The following NBPF14 variants were observed in gnomAD, a reference collection of about 807,000 sequenced individuals.
The protein encoded by NBPF14 is NBPF member 14, also known as NBPF family member NBPF14.
NBPF14 carries 104 observed loss-of-function variants against 91.2 expected under a neutral mutation model. That is an observed-to-expected ratio of 1.14 (90% CI 0.97 to 1.34). The LOEUF (loss-of-function observed/expected upper bound fraction) is 1.34, where lower values mean the gene tolerates loss of function less well. Ranked by LOEUF, NBPF14 falls within the 40% of genes most tolerant of loss-of-function variation. The pLI is 0.00. For synonymous variants in NBPF14, 294 were observed against 303.8 expected (o/e 0.97, Z 0.34); for missense variants, 908 against 783.0 (o/e 1.16, Z -1.91).
At chr1:148,576,216 G>T (rs1659690959) in intron 16 of NBPF14, among the ~76,000 whole-genome samples, 194 bp downstream of exon 16, 1 of 118,292 alleles carries the variant, frequency 8.5e-6, no homozygotes, top group Non-Finnish European at 1.7e-5. Context: ...TCAACCTATA[G>T]TAAGTGAGTA....
rs1377891435 is a variant in NBPF14, at chr1:148,587,252, A to G, written c.1091+49T>C. The G allele has an allele frequency of 6.7e-5, 98 of 1,455,946 alleles. 13 individuals carry two copies. In the Middle Eastern group the frequency reaches 1.5e-3, roughly 22 times the overall value. The allele number at this position is 1,455,946 out of a possible 1,614,324, so 90.2% of individuals were successfully genotyped here. ...TCTCCCCACTGAGCTGCTGTACTTC[A>G]GAGATTTACACACCTGCCCCCCTGC... On this transcript the variant is annotated intron_variant, in intron 8 of 70. Coordinates refer to ENST00000619423, the Ensembl canonical transcript of NBPF14.
chr1:148,593,373 C>T (rs1177494413), intron 3 of NBPF14, among the ~76,000 whole-genome samples: 4 of 148,636 alleles, frequency 2.7e-5, no homozygotes, highest in African/African-American at 9.8e-5. Flanking sequence ...TTCACCTCAA[C>T]AATTACTTGT....
chr1:148,590,350 C>A (rs2149577996), intron 6 of NBPF14, among the ~76,000 whole-genome samples: 1 of 144,606 alleles, frequency 6.9e-6, no homozygotes, highest in Admixed American at 6.9e-5. Flanking sequence ...ACCCACTGCT[C>A]CCAGCCGAGA....
At chr1:148,589,857 C>A (rs1662160355) in intron 6 of NBPF14, among the ~76,000 whole-genome samples, 1 of 147,928 alleles carries the variant, frequency 6.8e-6, no homozygotes, top group African/African-American at 2.4e-5. Flanking sequence ...CTCAGCCTGC[C>A]AAGCATCTGG....
chr1:148,593,635 TCTC>T, exon 3 of NBPF14: 2 of 1,541,042 alleles, frequency 1.3e-6, no homozygotes, highest in Non-Finnish European at 1.8e-6. Context: ...TCTGCAAGCT[TCTC>T]CTCCTTGAAC....
rs1265310930 is a variant in NBPF14, at chr1:148,559,906, C to G, written c.4616G>C (p.Arg1539Thr). 6.3e-6 allele frequency: 8 copies of G among 1,277,146 alleles called. No homozygotes were observed. In the African/African-American group the frequency reaches 6.3e-5, roughly 10 times the overall value. 79.1% of individuals were successfully genotyped at this position (1,277,146 alleles called of 1,614,324 possible). The stretch of plus-strand genomic sequence containing the variant: ...ACAACCTGAAGGAGTTGAATAACAT[C>G]TATCCAGTGAGTCCTGCAAGACTTC... Residue 1539 changes from arginine to threonine, a missense_variant, in exon 37 of 71, where the codon AGA becomes ACA. By Grantham distance (71) the Arg-to-Thr change is moderately conservative. Around this residue, in one of 13 missense-constraint regions of NBPF14, gnomAD observed 447 missense variants for 189.1 expected, o/e 2.36. Coordinates refer to ENST00000619423, the Ensembl canonical transcript of NBPF14.
At position 148,566,951 on chromosome 1, in the gene NBPF14, C is replaced by A; in HGVS notation, c.3542+1G>T. ...GTAGCTGTTCACAATTGCTCAGTTA[C>A]CTGGGGCATGGTGGGTCTTGGTCTT... On this transcript the variant is annotated splice_donor_variant, in intron 28 of 70. Coordinates refer to ENST00000619423, the Ensembl canonical transcript of NBPF14. LOFTEE classifies it high-confidence loss of function. 7.3e-6 allele frequency: 2 copies of A among 273,008 alleles called. No homozygotes were observed. The highest frequency in any genetic ancestry group is 9.1e-5 in the East Asian group (1 of 11,022). The allele number at this position is 273,008 out of a possible 1,614,324, so 16.9% of individuals were successfully genotyped here.
chr1:148,566,339 G>A (rs1184517690), intron 28 of NBPF14, 24 bp from the exon 29 acceptor site: 3 of 765,410 alleles, frequency 3.9e-6, no homozygotes, highest in Non-Finnish European at 7.0e-6. Context: ...AAAAGGTAAA[G>A]AATAAGCCAG....
At chr1:148,585,603 T>C (rs1417453441) in intron 9 of NBPF14, among the ~76,000 whole-genome samples, 2 of 149,502 alleles carry the variant, frequency 1.3e-5, no homozygotes, top group African/African-American at 2.5e-5. Context: ...GACAAACTTG[T>C]CCCACAGTCC....
At chr1:148,595,148 A>G (rs1412312406) in intron 2 of NBPF14, among the ~76,000 whole-genome samples, 23 of 145,832 alleles carry the variant, frequency 1.6e-4, no homozygotes, top group African/African-American at 5.5e-4. Context: ...GGGCCTCAAC[A>G]GAAACTTGAA....
chr1:148,539,508 G>A (rs1655532064), exon 63 of NBPF14: 2 of 299,542 alleles, frequency 6.7e-6, no homozygotes, highest in East Asian at 6.1e-5. Flanking sequence ...ATAACCTGAA[G>A]GAGTCGAATA....
At chr1:148,550,812 GT>G (rs1656194343) in intron 48 of NBPF14, among the ~76,000 whole-genome samples, 2 of 47,038 alleles carry the variant, frequency 4.3e-5, no homozygotes, top group Admixed American at 2.7e-4. Context: ...TGGTAAGGGA[GT>G]CAAAGGACAC....
intron 3 of NBPF14, among the ~76,000 whole-genome samples, 184 bp downstream of exon 3, chr1:148,593,414 C>A (rs1359244001): frequency 1.3e-5 from 2 of 148,278 alleles, no homozygotes; most frequent in Admixed American, 6.7e-5. Context: ...CTCTAAGAAA[C>A]AACTGCAACA....
chr1:148,534,427 C>T (rs1285889563), intron 69 of NBPF14, among the ~76,000 whole-genome samples: 3 of 151,694 alleles, frequency 2.0e-5, no homozygotes, highest in Admixed American at 6.6e-5. Flanking sequence ...TCACATCTGC[C>T]CAGGTCCAAT....
At chr1:148,559,751 A>G in intron 37 of NBPF14, 42 bp downstream of exon 37, 3 of 1,080,110 alleles carry the variant, frequency 2.8e-6, no homozygotes, top group Non-Finnish European at 2.7e-6. Flanking sequence ...CCTAACCAGA[A>G]GACTCAGTGG....
intron 69 of NBPF14, among the ~76,000 whole-genome samples, chr1:148,534,476 G>C (rs1654580647): frequency 6.6e-6 from 1 of 151,768 alleles, no homozygotes; most frequent in Non-Finnish European, 1.5e-5. Context: ...GGTATGGCCT[G>C]AGACTAGGAA....
intron 7 of NBPF14, among the ~76,000 whole-genome samples, chr1:148,588,039 A>T (rs1215686532): frequency 2.7e-4 from 37 of 136,188 alleles, no homozygotes; most frequent in African/African-American, 8.6e-4. Flanking sequence ...GTGTGCCAAT[A>T]AATGTTCTAG....
intron 28 of NBPF14, among the ~76,000 whole-genome samples, chr1:148,566,538 C>A (rs1285710549): frequency 3.7e-5 from 4 of 107,784 alleles, no homozygotes; most frequent in African/African-American, 9.1e-5. Context: ...CACACACACA[C>A]ACAAACACAC....
At chr1:148,561,651 T>A (rs1657735996) in intron 34 of NBPF14, 72 bp from the exon 35 acceptor site, 1 of 301,528 alleles carries the variant, frequency 3.3e-6, no homozygotes, top group Non-Finnish European at 5.5e-6. Flanking sequence ...CTAGGTTTCA[T>A]GGGTAGCATA....
Sources: gnomAD v4.1 joint callset for allele counts (sites outside exome capture counted in the v4.1 genomes callset) on GRCh38, gnomAD v4.1.1 for gene constraint, gnomAD v4.1.1 regional missense constraint, MANE v1.5 for transcripts, NCBI Gene and HGNC (gene_info 2026-07-23, HGNC 2026-07-21) for gene names.